The following RYR1 variants were observed in gnomAD, a reference collection of about 807,000 sequenced individuals.
RYR1 encodes the protein central core disease of muscle.
RYR1 carries 342 observed loss-of-function variants against 583.5 expected under a neutral mutation model. The ratio of observed to expected loss-of-function variants is 0.59; its 90% CI spans 0.54 to 0.64. The LOEUF (loss-of-function observed/expected upper bound fraction) is 0.64, where lower values mean the gene tolerates loss of function less well. Among genes scored for constraint, RYR1 ranks in the 30% least tolerant of loss-of-function variants. The pLI is 0.00. For missense variants in RYR1, 6,032 were observed against 6,917.2 expected (o/e 0.87, Z 4.54); for synonymous variants, 2,791 against 2,822.5 (o/e 0.99, Z 0.35).
Position 38,543,701 on chromosome 19 carries a change from G to T in RYR1, c.11907+41G>T, listed in dbSNP as rs776914215. ...TGGGGCGGGAGTGGGAAGGGAGGGG[G>T]TCCCGCATCGTGATCCCTGATCCCT... On this transcript the variant is annotated intron_variant, in intron 86 of 105. Transcript: ENST00000359596. This position sits in a 1 kb window ranked among gnomAD's most constrained non-coding sequence, Gnocchi z 4.4. 1.5e-5 allele frequency: 24 copies of T among 1,611,572 alleles called. No homozygotes were observed. Among genetic ancestry groups the T allele is most frequent in the Non-Finnish European group, 2.0e-5 (24 of 1,179,962 alleles).
Position 38,561,116 on chromosome 19 carries a change from A to G in RYR1, c.12286A>G (p.Met4096Val), listed in dbSNP as rs776066825. 1 of 1,613,782 alleles carries G rather than the reference A, an allele frequency of 6.2e-7. No individual in the cohort carries two copies. Among genetic ancestry groups the G allele is most frequent in the South Asian group, 1.1e-5 (1 of 91,070 alleles). Residue 4096 changes from methionine to valine, a missense_variant, in exon 90 of 106, where the codon ATG (methionine) becomes GTG (valine). By Grantham distance (21) the Met-to-Val change is conservative. Coordinates refer to ENST00000359596, the MANE Select transcript of RYR1 (RefSeq NM_000540.3). The surrounding 1 kb of genome is among the most constrained non-coding windows in gnomAD (Gnocchi z 4.8). ...LISKKDFQKA[M>V]DSQKQFSGPE... ...TGACCTCCCTGCCCGCCCCCAGGCCATGGACAGCCAGAAGCAGTTCAGCGG... is the reference window on the plus strand; with the variant it reads ...TGACCTCCCTGCCCGCCCCCAGGCCGTGGACAGCCAGAAGCAGTTCAGCGG...
chr19:38,586,319 C>A, intron 104 of RYR1, 128 bp downstream of exon 104: 1 of 1,126,906 alleles, frequency 8.9e-7, no homozygotes, highest in Non-Finnish European at 1.3e-6. Context: ...CCCTGCCAGC[C>A]AATCAGAAGG....
rs552798224 is a variant in RYR1 at position 38,510,235 on chromosome 19, C to T, written c.8933-263C>T. Among the ~76,000 whole-genome samples the T allele has an allele frequency of 1.2e-4, 18 of 151,972 alleles. No homozygotes were observed. In the East Asian group the frequency reaches 1.7e-3, roughly 15 times the overall value. ...ACTTGGGAGGCTGAGTCAGGAGAAT[C>T]GCTTGAACTCAGGAGGCAGAGAGTG... On this transcript the variant is annotated intron_variant, in intron 58 of 105. Transcript: ENST00000359596.
chr19:38,578,630 C>G lies in RYR1; in HGVS notation c.14364+426C>G, dbSNP rs192241445. Among the ~76,000 whole-genome samples, 29 of 151,146 alleles carry G rather than the reference C, an allele frequency of 1.9e-4. 1 individual carries two copies. The East Asian group carries it at 5.5e-3, about 29-fold the overall frequency. ...GGCAGATCACTTGAGGTCAGGAGTT[C>G]AAGACAAACCTGGCACTGGGCATGG... On this transcript the variant is annotated intron_variant, in intron 99 of 105. Coordinates refer to ENST00000359596, the MANE Select transcript of RYR1 (RefSeq NM_000540.3).
chr19:38,475,180 G>A lies in RYR1; in HGVS notation c.4161-138G>A, dbSNP rs1968653118. On this transcript the variant is annotated intron_variant, in intron 28 of 105. Transcript: ENST00000359596. ...AGAATGGATTAGTCTGGGGTAGGTG[G>A]GAATCCAGCCCTCTAGAGGCAAGAC... 10 of 1,164,678 alleles carry A rather than the reference G, an allele frequency of 8.6e-6. 1 individual carries two copies. The South Asian group carries it at 1.4e-4, about 17-fold the overall frequency. The allele number at this position is 1,164,678 out of a possible 1,614,324, so 72.1% of individuals were successfully genotyped here. A position where few individuals can be genotyped will look rare whatever the true frequency, so the allele number is the denominator to read the frequency against.
At position 38,452,962 on chromosome 19, in the gene RYR1, A is replaced by G; in HGVS notation, c.1388A>G (p.Lys463Arg). Residue 463 changes from lysine (K) to arginine (R), a missense_variant, in exon 13 of 106, where the codon AAG becomes AGG. Transcript: ENST00000359596. The stretch of plus-strand genomic sequence containing the variant: ...TCCGAGGACTTGCAGCACGAGGAGA[A>G]GCAGAGCAAGCTGCGAAGCCTGCGC... Reference protein sequence around the residue: ...PPSEDLQHEEKQSKLRSLRNR... With the variant: ...PPSEDLQHEERQSKLRSLRNR... 1 of 1,613,946 alleles carries G rather than the reference A, an allele frequency of 6.2e-7. No homozygotes were observed. Among genetic ancestry groups the G allele is most frequent in the East Asian group, 2.2e-5 (1 of 44,866 alleles).
Position 38,459,242 on chromosome 19 carries a change from CCTT to C in RYR1, c.2266_2268del (p.Phe756del). The C allele has an allele frequency of 1.2e-6, 2 of 1,614,146 alleles. No homozygotes were observed. Among genetic ancestry groups the C allele is most frequent in the Non-Finnish European group, 1.7e-6 (2 of 1,179,986 alleles). ...CTGGACCTCAGCGTGCCGTCCATCT[CCTT>C]CCGCATCAACGGCTGCCCCGTGCAG... On this transcript the variant is annotated inframe_deletion, in exon 19 of 106. Coordinates refer to ENST00000359596, the MANE Select transcript of RYR1 (RefSeq NM_000540.3).
At chr19:38,549,261 C>A (rs567003319) in intron 89 of RYR1, among the ~76,000 whole-genome samples, 1 of 152,272 alleles carries the variant, frequency 6.6e-6, no homozygotes, top group African/African-American at 2.4e-5. Context: ...GCCTCAGTTT[C>A]CTACTCTGTA....
At chr19:38,554,787 G>A (rs1008108610) in intron 89 of RYR1, among the ~76,000 whole-genome samples, 6 of 151,928 alleles carry the variant, frequency 3.9e-5, no homozygotes, top group Non-Finnish European at 7.4e-5. Flanking sequence ...CCACATTTTA[G>A]GTTACTGATT....
At chr19:38,497,421 T>C (rs1308319034) in intron 42 of RYR1, among the ~76,000 whole-genome samples, 1 of 152,078 alleles carries the variant, frequency 6.6e-6, no homozygotes, top group African/African-American at 2.4e-5. Flanking sequence ...CTTCAGCAAC[T>C]TTGCTTCTGC....
intron 31 of RYR1, among the ~76,000 whole-genome samples, chr19:38,479,445 TC>T (rs1486465026): frequency 6.6e-6 from 1 of 152,138 alleles, no homozygotes; most frequent in African/African-American, 2.4e-5. Context: ...CCTCACTCTG[TC>T]CCCCAGGCTG....
chr19:38,445,239 A>T lies in RYR1; in HGVS notation c.631+562A>T, dbSNP rs1215393397. On this transcript the variant is annotated intron_variant, in intron 7 of 105. Transcript: ENST00000359596. ...CTCTGCCTCAAAAAAAAAAAAAAAA[A>T]AAAAAAAAAATTAAACTCCTTAGAC... 1.4e-4 allele frequency among the ~76,000 whole-genome samples: 21 copies of T among 151,164 alleles called. No homozygotes were observed. The East Asian group carries it at 2.7e-3, about 20-fold the overall frequency.
chr19:38,524,441 C>G (rs1379679503), intron 70 of RYR1, among the ~76,000 whole-genome samples: 1 of 152,148 alleles, frequency 6.6e-6, no homozygotes, highest in Non-Finnish European at 1.5e-5. Flanking sequence ...AGCCAGCAGC[C>G]CCCACCCCAG....
In RYR1 at chr19:38,512,032, C is replaced by G. The variant is rs1257036799; in HGVS notation, c.9173-40C>G. On this transcript the variant is annotated intron_variant, in intron 61 of 105. Transcript: ENST00000359596. This position sits in a 1 kb window ranked among gnomAD's most constrained non-coding sequence, Gnocchi z 5.1. ...AGAGGGAGGCACTGTCCTCTGTCCT[C>G]TTAGCCATGGCATCCCCCCGGCCCA... is the stretch of plus-strand genomic sequence containing the variant. 1.2e-6 allele frequency: 2 copies of G among 1,604,848 alleles called. No homozygotes were observed. The highest frequency in any genetic ancestry group is 2.7e-5 in the African/African-American group (2 of 74,656).
intron 84 of RYR1, among the ~76,000 whole-genome samples, chr19:38,538,240 A>C (rs1298994437): frequency 6.6e-6 from 1 of 152,156 alleles, no homozygotes; most frequent in Admixed American, 6.5e-5. Flanking sequence ...TCTACTAAAA[A>C]TATAAAAAAA....
At chr19:38,467,523 C>T in intron 24 of RYR1, 87 bp from the exon 25 acceptor site, 1 of 1,417,656 alleles carries the variant, frequency 7.1e-7, no homozygotes, top group Non-Finnish European at 1.0e-6. Context: ...CTTACTGTCC[C>T]CCAAAGCCTG....
rs116350411 is a variant in RYR1 at position 38,555,733 on chromosome 19, A to C, written c.12283-5380A>C. ...CATTGCAATTGGCTGATACTTTTTA[A>C]AATCATCTTTCATCTCTTGCTTCCC... is the stretch of plus-strand genomic sequence containing the variant. On this transcript the variant is annotated intron_variant, in intron 89 of 105. Transcript: ENST00000359596. 4.5e-3 allele frequency among the ~76,000 whole-genome samples: 684 copies of C among 152,294 alleles called. 3 individuals carry two copies. The highest frequency in any genetic ancestry group is 0.016 in the African/African-American group (645 of 41,574).
rs1440737599 is a variant in RYR1, at chr19:38,499,071, T to C, written c.6892-37T>C. The C allele has an allele frequency of 1.2e-6, 2 of 1,610,414 alleles. No individual in the cohort carries two copies. The highest frequency in any genetic ancestry group is 1.7e-6 in the Non-Finnish European group (2 of 1,177,586). ...GCTGAGCCCCAGGAGGAAGGTGGCA[T>C]GGGTCTGGTCTCTGACTGAGCCCCT... On this transcript the variant is annotated intron_variant, in intron 42 of 105. Coordinates refer to ENST00000359596, the MANE Select transcript of RYR1 (RefSeq NM_000540.3). The surrounding 1 kb of genome is among the most constrained non-coding windows in gnomAD (Gnocchi z 7.3).
chr19:38,492,659 A>G, intron 38 of RYR1, 23 bp downstream of exon 38: 1 of 1,179,310 alleles, frequency 8.5e-7, no homozygotes, highest in Non-Finnish European at 1.2e-6. Flanking sequence ...GTCACTGGGG[A>G]GAGGGCAGGG....
Sources: allele counts gnomAD v4.1 joint callset (sites outside exome capture counted in the v4.1 genomes callset), GRCh38; gene constraint gnomAD v4.1.1; non-coding constraint Gnocchi (gnomAD v3.1); transcripts MANE v1.5; gene names NCBI Gene and HGNC (gene_info 2026-07-23, HGNC 2026-07-21).